Variants in HYAL4 observed in about 807,000 individuals in gnomAD.
HYAL4 encodes hyaluronidase-4.
Under a neutral mutation model 35.2 loss-of-function variants are expected in HYAL4, and 37 were observed. That is an observed-to-expected ratio of 1.05 (90% CI 0.81 to 1.38). HYAL4 has a LOEUF of 1.38. Ranked by LOEUF, HYAL4 falls within the 40% of genes most tolerant of loss-of-function variation. The pLI is 0.00. For missense variants in HYAL4, 572 were observed against 572.4 expected, an observed-to-expected ratio of 1.00 and a Z score of 0.01; for synonymous variants, 198 against 203.2, an observed-to-expected ratio of 0.97 and a Z score of 0.22.
rs1224301269 is a variant in HYAL4 at position 123,857,644 on chromosome 7, C to CCTTTCTTTGTTT, written c.-52+9499_-52+9510dup. On this transcript the variant is annotated intron_variant, in intron 2 of 4. Coordinates refer to ENST00000223026, the MANE Select transcript of HYAL4 (RefSeq NM_012269.3). ...TGCTATTGGGCCATCTTGCCAGCTG[C>CCTTTCTTTGTTT]CTTTCTTTGTTTCTTTCTTTGTTTG... Among the ~76,000 whole-genome samples, 209 of 121,030 alleles carry CCTTTCTTTGTTT rather than the reference C, an allele frequency of 1.7e-3. 1 individual carries two copies. The highest frequency in any genetic ancestry group is 5.9e-3 in the African/African-American group (187 of 31,922). The allele number at this position is 121,030 out of a possible 152,430, so 79.4% of individuals were successfully genotyped here. A position where few individuals can be genotyped will look rare whatever the true frequency, so the allele number is the denominator to read the frequency against.
At chr7:123,840,128 A>G (rs1357596242), upstream of HYAL4, among the ~76,000 whole-genome samples, 4 of 152,126 alleles carry the variant, frequency 2.6e-5, no homozygotes, top group African/African-American at 9.7e-5. Flanking sequence ...TAGGTCTAAC[A>G]TTTAACCTTT....
intron 1 of HYAL4, among the ~76,000 whole-genome samples, chr7:123,839,618 C>G (rs935368441): frequency 1.3e-5 from 2 of 152,166 alleles, no homozygotes; most frequent in Non-Finnish European, 2.9e-5. Flanking sequence ...AAAAGCATTC[C>G]TATTTGTCCA....
the HYAL4 span, among the ~76,000 whole-genome samples, chr7:123,798,663 C>A: frequency 3.3e-5 from 5 of 152,266 alleles, no homozygotes; most frequent in Admixed American, 3.3e-4. Context: ...GGCATTCTTG[C>A]AATTAAATGA....
At chr7:123,791,409 C>T in the HYAL4 span, among the ~76,000 whole-genome samples, 6 of 152,168 alleles carry the variant, frequency 3.9e-5, no homozygotes, top group African/African-American at 1.4e-4. Context: ...CTTCTTTACA[C>T]TCAAGATACA....
Position 123,877,040 on chromosome 7 carries a change from C to A in HYAL4, c.1331C>A (p.Ala444Asp). ...SCHCYQGYEGADCREIKTADG... is the reference protein window; with the variant it reads ...SCHCYQGYEGDDCREIKTADG... Reference sequence around the variant, plus strand: ...CATTGTTATCAGGGATATGAAGGAGCTGATTGCAGAGAAATAAAGACGGCT... The same window carrying A: ...CATTGTTATCAGGGATATGAAGGAGATGATTGCAGAGAAATAAAGACGGCT... Residue 444 changes from alanine to aspartate, a missense_variant, in exon 5 of 5, where the codon GCT becomes GAT. Ala to Asp is a moderately radical substitution (Grantham distance 126, BLOSUM62 -2). Transcript: ENST00000223026. 1 of 1,614,210 alleles carries A rather than the reference C, an allele frequency of 6.2e-7. No homozygotes were observed. The highest frequency in any genetic ancestry group is 8.5e-7 in the Non-Finnish European group (1 of 1,180,028).
At chr7:123,834,182 T>G (rs1488562861) in intron 1 of HYAL4, among the ~76,000 whole-genome samples, 1 of 152,124 alleles carries the variant, frequency 6.6e-6, no homozygotes, top group Non-Finnish European at 1.5e-5. Flanking sequence ...GGCAGTGTGG[T>G]CATTTTCACA....
At chr7:123,806,502 G>A in the HYAL4 span, among the ~76,000 whole-genome samples, 1 of 151,950 alleles carries the variant, frequency 6.6e-6, no homozygotes, top group South Asian at 2.1e-4. Flanking sequence ...GGAGTGCAAT[G>A]GTGGGATCTT....
At chr7:123,814,017 T>A in the HYAL4 span, 1 of 152,216 alleles carries the variant, frequency 6.6e-6, no homozygotes, top group Non-Finnish European at 1.5e-5. Flanking sequence ...CTCAAAGATA[T>A]TTTAAAATAT....
At chr7:123,817,221 A>C in the HYAL4 span, among the ~76,000 whole-genome samples, 2 of 152,108 alleles carry the variant, frequency 1.3e-5, no homozygotes, top group African/African-American at 4.8e-5. Context: ...GCCTATATAC[A>C]TTAGCATAAC....
rs931992847 is a variant in HYAL4, at chr7:123,868,987, A to T, written c.714A>T (p.Pro238=). ...CCCCAAACTACTCTGGGTCATGCCC[A>T]GAAGACGAAGTCTTGAGGAACAATG... ...VYAPNYSGSC[P]EDEVLRNNEL... is the part of the protein sequence containing the mutation. Residue 238 remains proline (P), a synonymous_variant, in exon 3 of 5, where the codon CCA becomes CCT. Transcript: ENST00000223026. 1 of 1,613,872 alleles carries T rather than the reference A, an allele frequency of 6.2e-7. No homozygotes were observed. The highest frequency in any genetic ancestry group is 2.2e-5 in the East Asian group (1 of 44,874).
chr7:123,822,806 A>C, the HYAL4 span, among the ~76,000 whole-genome samples: 2 of 152,100 alleles, frequency 1.3e-5, no homozygotes, highest in Non-Finnish European at 2.9e-5. Context: ...AAAAGGTAAA[A>C]AAGAAAAAAC....
At chr7:123,808,418 CGTGTGTGTGTGTGTGTGTGTGT>C in the HYAL4 span, among the ~76,000 whole-genome samples, 17 of 142,698 alleles carry the variant, frequency 1.2e-4, no homozygotes, top group South Asian at 2.4e-3. Flanking sequence ...TGTATCATCA[CGTGTGTGTGTGTGTGTGTGTGT>C]GTGTGTGTGT....
At chr7:123,771,827 A>T in the HYAL4 span, among the ~76,000 whole-genome samples, 1 of 135,856 alleles carries the variant, frequency 7.4e-6, no homozygotes, top group African/African-American at 2.7e-5. Flanking sequence ...TTTTTAACTT[A>T]CCCATCCATG....
chr7:123,807,135 A>G, the HYAL4 span, among the ~76,000 whole-genome samples: 1 of 152,164 alleles, frequency 6.6e-6, no homozygotes, highest in African/African-American at 2.4e-5. Context: ...CTTTTTAGAG[A>G]ATCATTTATT....
the HYAL4 span, among the ~76,000 whole-genome samples, chr7:123,764,216 C>T: frequency 1.1e-4 from 16 of 152,314 alleles, no homozygotes; most frequent in East Asian, 5.8e-4. Flanking sequence ...CTCAAGCAAT[C>T]CTCCCACTTG....
the HYAL4 span, among the ~76,000 whole-genome samples, chr7:123,817,729 C>T: frequency 1.3e-5 from 2 of 151,460 alleles, no homozygotes; most frequent in Non-Finnish European, 1.5e-5. Flanking sequence ...AGGCTGGTCT[C>T]GAACTCCTGA....
At chr7:123,858,881 T>C (rs1376286139) in intron 2 of HYAL4, among the ~76,000 whole-genome samples, 1 of 152,210 alleles carries the variant, frequency 6.6e-6, no homozygotes, top group Non-Finnish European at 1.5e-5. Context: ...TCTTACTGAC[T>C]TCTGTTATAT....
At chr7:123,777,670 T>G in the HYAL4 span, among the ~76,000 whole-genome samples, 5 of 152,168 alleles carry the variant, frequency 3.3e-5, no homozygotes, top group African/African-American at 4.8e-5. Flanking sequence ...ACTTGTTGAT[T>G]TGAATTAATT....
intron 2 of HYAL4, among the ~76,000 whole-genome samples, chr7:123,853,481 A>G (rs989167528): frequency 2.6e-5 from 4 of 152,214 alleles, no homozygotes; most frequent in African/African-American, 9.7e-5. Flanking sequence ...ATCTATTGAG[A>G]TAATCATGTG....
Sources: gnomAD v4.1 joint callset for allele counts (sites outside exome capture counted in the v4.1 genomes callset) on GRCh38, gnomAD v4.1.1 for gene constraint, MANE v1.5 for transcripts, NCBI Gene and HGNC (gene_info 2026-07-23, HGNC 2026-07-21) for gene names.